The following ERBB4 variants were observed in gnomAD, a reference collection of about 807,000 sequenced individuals.
ERBB4 encodes receptor tyrosine-protein kinase erbB-4.
ERBB4 carries 42 observed loss-of-function variants against 158.0 expected under a neutral mutation model. The ratio of observed to expected loss-of-function variants is 0.27; its 90% CI spans 0.21 to 0.34. The LOEUF is 0.34. Among genes scored for constraint, ERBB4 ranks in the 10% least tolerant of loss-of-function variants. ERBB4 has a pLI of 1.00. For synonymous variants in ERBB4, 583 were observed against 558.7 expected (o/e 1.04, Z -0.61); for missense variants, 1,333 against 1,624.1 (o/e 0.82, Z 3.08).
intron 1 of ERBB4, among the ~76,000 whole-genome samples, chr2:212,271,832 G>A (rs1010480358): frequency 6.6e-5 from 10 of 151,766 alleles, no homozygotes; most frequent in African/African-American, 2.4e-4. Context: ...TCTACATTCT[G>A]CTTCAGAGGG....
intron 2 of ERBB4, among the ~76,000 whole-genome samples, chr2:212,117,984 G>T (rs888858038): frequency 1.3e-5 from 2 of 152,090 alleles, no homozygotes; most frequent in Non-Finnish European, 2.9e-5. Context: ...TATTTATTTT[G>T]AAATATGTAC....
intron 1 of ERBB4, among the ~76,000 whole-genome samples, chr2:212,293,273 TA>T: frequency 6.6e-6 from 1 of 152,094 alleles, no homozygotes; most frequent in Non-Finnish European, 1.5e-5. Context: ...AACATTTACT[TA>T]AAAAATCATA....
At chr2:212,474,822 C>CTTTTT (rs539959668) in intron 1 of ERBB4, among the ~76,000 whole-genome samples, 5 of 94,412 alleles carry the variant, frequency 5.3e-5, no homozygotes, top group African/African-American at 1.8e-4. Context: ...CCCGGCCATT[C>CTTTTT]TTTTTTTTTT....
At chr2:211,815,894 G>A (rs931045198) in intron 3 of ERBB4, among the ~76,000 whole-genome samples, 2 of 152,190 alleles carry the variant, frequency 1.3e-5, no homozygotes, top group East Asian at 1.9e-4. Flanking sequence ...CTTCCTCTCC[G>A]GCCCTTGGAC....
intron 2 of ERBB4, among the ~76,000 whole-genome samples, chr2:211,978,207 C>T (rs1410954532): frequency 6.6e-6 from 1 of 151,982 alleles, no homozygotes; most frequent in East Asian, 1.9e-4. Context: ...GCCTCTCTGG[C>T]AGTTGGGTAA....
At chr2:212,393,161 G>A (rs1199966901) in intron 1 of ERBB4, among the ~76,000 whole-genome samples, 2 of 151,892 alleles carry the variant, frequency 1.3e-5, no homozygotes, top group Non-Finnish European at 2.9e-5. Context: ...TGTCCCATGT[G>A]GCAGACCTTG....
chr2:212,486,166 AG>A (rs112968932), intron 1 of ERBB4, among the ~76,000 whole-genome samples: 4,913 of 152,180 alleles, frequency 0.032, 275 homozygotes, highest in African/African-American at 0.11. Context: ...AAACAAAATA[AG>A]GGAGGTATAA....
At chr2:211,848,097 T>C (rs1648526734) in intron 3 of ERBB4, among the ~76,000 whole-genome samples, 1 of 152,136 alleles carries the variant, frequency 6.6e-6, no homozygotes, top group African/African-American at 2.4e-5. Context: ...CTGTATCCTC[T>C]ATTTAATTTC....
At chr2:211,977,844 G>T (rs939032870) in intron 2 of ERBB4, among the ~76,000 whole-genome samples, 15 of 118,242 alleles carry the variant, frequency 1.3e-4, no homozygotes, top group Non-Finnish European at 2.0e-4. Flanking sequence ...GGGCAACAGA[G>T]CGAAACTCCG....
At chr2:211,545,784 T>C (rs1189688598) in intron 20 of ERBB4, among the ~76,000 whole-genome samples, 2 of 152,086 alleles carry the variant, frequency 1.3e-5, no homozygotes, top group Admixed American at 6.6e-5. Context: ...ATTGTAATTA[T>C]ACAATTAGCC....
rs16847718 is a variant in ERBB4, at chr2:212,108,803, G to C, written c.234+15949C>G. Among the ~76,000 whole-genome samples the C allele has an allele frequency of 8.0e-4, 117 of 146,652 alleles. No homozygotes were observed. In the East Asian group the frequency reaches 0.02, roughly 26 times the overall value. ...CGTCACATTTTAAGAAGACAGAAGA[G>C]TCACAAAGAATAAAAAGACTTTAAA... On this transcript the variant is annotated intron_variant, in intron 2 of 27. Transcript: ENST00000342788.
At chr2:212,262,370 A>T (rs189889100) in intron 1 of ERBB4, among the ~76,000 whole-genome samples, 1 of 152,136 alleles carries the variant, frequency 6.6e-6, no homozygotes, top group Non-Finnish European at 1.5e-5. Flanking sequence ...CATTATCCAC[A>T]TATATATATC....
intron 3 of ERBB4, among the ~76,000 whole-genome samples, chr2:211,905,357 A>T (rs915058224): frequency 4.0e-5 from 6 of 151,898 alleles, no homozygotes; most frequent in African/African-American, 1.5e-4. Context: ...CACTGGGACC[A>T]CCCAGATGAT....
At chr2:211,625,755 C>A (rs982924968) in intron 17 of ERBB4, among the ~76,000 whole-genome samples, 10 of 152,076 alleles carry the variant, frequency 6.6e-5, no homozygotes, top group Admixed American at 6.6e-4. Flanking sequence ...ACTTATGAAT[C>A]ATTTTTAAAA....
chr2:212,371,621 C>T (rs1467112295), intron 1 of ERBB4, among the ~76,000 whole-genome samples: 3 of 152,114 alleles, frequency 2.0e-5, no homozygotes, highest in Non-Finnish European at 2.9e-5. Context: ...CAATAACTAC[C>T]CTTTGTGGAG....
chr2:211,919,543 G>A lies in ERBB4; in HGVS notation c.421+27887C>T, dbSNP rs947823863. On this transcript the variant is annotated intron_variant, in intron 3 of 27. Transcript: ENST00000342788. ...AACCCTAGTAAATGTGCATGAACAC[G>A]CAGAGTTCTTATTTAATCCCATCAG... Among the ~76,000 whole-genome samples, 5 of 152,096 alleles carry A rather than the reference G, an allele frequency of 3.3e-5. No individual in the cohort carries two copies. In the East Asian group the frequency reaches 5.8e-4, roughly 18 times the overall value.
At chr2:211,455,267 A>G (rs1277640889) in intron 20 of ERBB4, among the ~76,000 whole-genome samples, 1 of 152,238 alleles carries the variant, frequency 6.6e-6, no homozygotes, top group African/African-American at 2.4e-5. Flanking sequence ...TCTCTGATGG[A>G]CTTATAATTA....
chr2:212,192,404 T>C (rs925826780), intron 1 of ERBB4, among the ~76,000 whole-genome samples: 3 of 151,834 alleles, frequency 2.0e-5, no homozygotes, highest in Admixed American at 6.6e-5. Context: ...GTTGTCTTTC[T>C]CCTGAGTATT....
intron 1 of ERBB4, among the ~76,000 whole-genome samples, chr2:212,226,410 T>TG (rs138561912): frequency 0.36 from 53,548 of 149,392 alleles, 11,109 homozygotes; most frequent in African/African-American, 0.56. Context: ...AGTAAAGACA[T>TG]GGGGGGGGGT....
Sources: allele counts gnomAD v4.1 joint callset (sites outside exome capture counted in the v4.1 genomes callset), GRCh38; gene constraint gnomAD v4.1.1; transcripts MANE v1.5; gene names NCBI Gene and HGNC (gene_info 2026-07-23, HGNC 2026-07-21).